CHST10: variants seen among roughly 807,000 people sequenced by gnomAD.
CHST10 encodes the protein HNK-1 sulfotransferase.
CHST10 carries 24 observed loss-of-function variants against 34.7 expected under a neutral mutation model. That is an observed-to-expected ratio of 0.69 (90% CI 0.50 to 0.97). The LOEUF (loss-of-function observed/expected upper bound fraction) is 0.97. Among genes scored for constraint, CHST10 ranks in the 50% least tolerant of loss-of-function variants. The pLI, the probability that CHST10 is intolerant of heterozygous loss-of-function variation, is 0.00. For synonymous variants in CHST10, 161 were observed against 169.3 expected (o/e 0.95, Z 0.38); for missense variants, 402 against 452.1 (o/e 0.89, Z 1.00).
rs1019664799 is a variant in CHST10, at chr2:100,394,592, A to G, written c.534-810T>C. ...CAAGGCAGGTGGCTGCAGACCCAGG[A>G]GGCAAAATCCAGCTGGTGACCTGAC... On this transcript the variant is annotated intron_variant, in intron 6 of 6. Transcript: ENST00000264249. 4.7e-4 allele frequency among the ~76,000 whole-genome samples: 71 copies of G among 152,192 alleles called. 1 individual carries two copies. Among genetic ancestry groups the G allele is most frequent in the African/African-American group, 1.6e-3 (68 of 41,446 alleles).
intron 2 of CHST10, among the ~76,000 whole-genome samples, chr2:100,414,056 C>T (rs970205566): frequency 1.3e-5 from 2 of 152,122 alleles, no homozygotes; most frequent in African/African-American, 4.8e-5. Flanking sequence ...TGTATATGAT[C>T]AAGCCAGGTG....
At chr2:100,411,451 C>T (rs1013602882) in intron 2 of CHST10, among the ~76,000 whole-genome samples, 2 of 152,144 alleles carry the variant, frequency 1.3e-5, no homozygotes, top group Admixed American at 6.5e-5. Context: ...TTCTACAAGT[C>T]ACATCCTACA....
At chr2:100,394,853 A>T (rs1674977805) in intron 6 of CHST10, among the ~76,000 whole-genome samples, 1 of 151,320 alleles carries the variant, frequency 6.6e-6, no homozygotes, top group Non-Finnish European at 1.5e-5. Flanking sequence ...CCTCCTGAGT[A>T]GCTAGGACTA....
chr2:100,403,476 G>C (rs1374216116), intron 3 of CHST10, among the ~76,000 whole-genome samples: 4 of 152,194 alleles, frequency 2.6e-5, no homozygotes, highest in African/African-American at 7.2e-5. Context: ...TGGCTCCACT[G>C]CTGAGCTGAA....
chr2:100,395,556 G>A lies in CHST10; in HGVS notation c.486C>T (p.Asn162=), dbSNP rs771791473. The part of the protein sequence containing the change: ...PENVVHDHEK[N]GLPRLSSFSD... ...TGAAGGAAGAGAGCCGAGGAAGGCC[G>A]TTCTTCTCGTGGTCGTGCACCACGT... The change falls in exon 6 of 7, where the codon AAC becomes AAT. Residue 162 remains asparagine (N), a synonymous_variant. Coordinates refer to ENST00000264249, the MANE Select transcript of CHST10 (RefSeq NM_004854.5). 46 of 1,613,860 alleles carry A rather than the reference G, an allele frequency of 2.9e-5. No individual in the cohort carries two copies. In the African/African-American group the frequency reaches 2.9e-4, roughly 10 times the overall value.
chr2:100,410,044 T>C (rs1675761577), intron 2 of CHST10, among the ~76,000 whole-genome samples: 1 of 152,182 alleles, frequency 6.6e-6, no homozygotes, highest in African/African-American at 2.4e-5. Context: ...ACCCTAGCCC[T>C]GCCAAAACCA....
intron 6 of CHST10, among the ~76,000 whole-genome samples, chr2:100,394,398 G>A (rs11674569): frequency 0.39 from 59,666 of 151,628 alleles, 13,583 homozygotes; most frequent in East Asian, 0.71. Flanking sequence ...AGAACACGGT[G>A]TGATTACGAC....
At chr2:100,404,486 G>C (rs147577123) in intron 3 of CHST10, among the ~76,000 whole-genome samples, 19 of 152,266 alleles carry the variant, frequency 1.2e-4, no homozygotes, top group Middle Eastern at 6.8e-3. Context: ...TTTCTTCATA[G>C]GTTTTATCTC....
intron 1 of CHST10, chr2:100,416,959 G>A (rs1047449258): frequency 1.0e-5 from 13 of 1,303,834 alleles, no homozygotes; most frequent in South Asian, 1.2e-5. Flanking sequence ...GGCAGGGAAC[G>A]TGCATTCCCA....
Position 100,393,797 on chromosome 2 carries a change from G to C in CHST10, c.534-15C>G, listed in dbSNP as rs371549339. 2 of 1,596,532 alleles carry C rather than the reference G, an allele frequency of 1.3e-6. No homozygotes were observed. Among genetic ancestry groups the C allele is most frequent in the Non-Finnish European group, 1.7e-6 (2 of 1,174,808 alleles). ...ATGTTTTCAATCTAAGGAAAAAAAC[G>C]AACAAGAGGTTAACTTGATGCCACA... On this transcript the variant is annotated splice_polypyrimidine_tract_variant and intron_variant, in intron 6 of 6. Coordinates refer to ENST00000264249, the MANE Select transcript of CHST10 (RefSeq NM_004854.5).
intron 4 of CHST10, among the ~76,000 whole-genome samples, chr2:100,399,102 C>CTTTT (rs34834152): frequency 7.3e-6 from 1 of 137,658 alleles, no homozygotes. Flanking sequence ...CTCTCTCTCT[C>CTTTT]TTTTTTTTTT....
At chr2:100,402,775 C>T (rs78422497) in intron 3 of CHST10, 120 bp from the exon 4 acceptor site, 10,167 of 774,480 alleles carry the variant, frequency 0.013, 89 homozygotes, top group African/African-American at 0.031. Flanking sequence ...TTTGACAAAG[C>T]CATAAAAGCC....
chr2:100,411,765 A>C (rs12468500), intron 2 of CHST10, among the ~76,000 whole-genome samples: 2 of 152,352 alleles, frequency 1.3e-5, no homozygotes, highest in Non-Finnish European at 2.9e-5. Context: ...GCCCACACGA[A>C]GGAAAGAAGC....
rs1674841392 is a variant in CHST10, at chr2:100,392,576, A to C, written c.*669T>G. ...GGCGCTTGGCAGACACAGGTTCAGA[A>C]GCATGGACCAGCATTACACAGGCAT... On this transcript the variant is annotated 3_prime_UTR_variant, in exon 7 of 7. Coordinates refer to ENST00000264249, the MANE Select transcript of CHST10 (RefSeq NM_004854.5). 6.5e-6 allele frequency: 1 copy of C among 153,268 alleles called. No individual in the cohort carries two copies. Among genetic ancestry groups the C allele is most frequent in the Non-Finnish European group, 1.5e-5 (1 of 68,672 alleles). 9.5% of individuals were successfully genotyped at this position (153,268 alleles called of 1,614,324 possible).
rs1674868807 is a variant in CHST10, at chr2:100,393,091, T to C, written c.*154A>G. On this transcript the variant is annotated 3_prime_UTR_variant, in exon 7 of 7. Coordinates refer to ENST00000264249, the MANE Select transcript of CHST10 (RefSeq NM_004854.5). Reference sequence around the variant, plus strand: ...AACTAAGTTGTAACAGTTGGGGTTCTGCGTCATATGCCGAGGCAACTCACA... The same window carrying C: ...AACTAAGTTGTAACAGTTGGGGTTCCGCGTCATATGCCGAGGCAACTCACA... The C allele has an allele frequency of 1.4e-6, 1 of 716,068 alleles. No individual in the cohort carries two copies. The highest frequency in any genetic ancestry group is 2.7e-5 in the East Asian group (1 of 37,518). The allele number at this position is 716,068 out of a possible 1,614,324, so 44.4% of individuals were successfully genotyped here.
At chr2:100,399,665 C>G (rs1276748037) in intron 4 of CHST10, among the ~76,000 whole-genome samples, 1 of 152,162 alleles carries the variant, frequency 6.6e-6, no homozygotes, top group East Asian at 1.9e-4. Flanking sequence ...AGAGGTCCCC[C>G]CTCAGGGCCC....
intron 1 of CHST10, chr2:100,415,882 G>A (rs1194112305): frequency 6.6e-6 from 1 of 152,156 alleles, no homozygotes; most frequent in Non-Finnish European, 1.5e-5. Context: ...TGGTACAGCT[G>A]ACCACACACC....
Position 100,395,629 on chromosome 2 carries a change from G to C in CHST10, c.428-15C>G. 3 of 1,610,010 alleles carry C rather than the reference G, an allele frequency of 1.9e-6. No individual in the cohort carries two copies. In the South Asian group the frequency reaches 3.3e-5, roughly 18 times the overall value. ...AGAAAATGCTCCTGGGAAGTAAACG[G>C]AAAGGAAGGCAGGTTGGCTGCTCCA... On this transcript the variant is annotated splice_polypyrimidine_tract_variant and intron_variant, in intron 5 of 6. Coordinates refer to ENST00000264249, the MANE Select transcript of CHST10 (RefSeq NM_004854.5).
chr2:100,399,649 G>T (rs1026640336), intron 4 of CHST10, among the ~76,000 whole-genome samples: 1 of 152,182 alleles, frequency 6.6e-6, no homozygotes, highest in Admixed American at 6.5e-5. Flanking sequence ...GAACTATCAG[G>T]ATGACAGAGG....
Sources: gnomAD v4.1 joint callset for allele counts (sites outside exome capture counted in the v4.1 genomes callset) on GRCh38, gnomAD v4.1.1 for gene constraint, MANE v1.5 for transcripts, NCBI Gene and HGNC (gene_info 2026-07-23, HGNC 2026-07-21) for gene names.